CCDC148: variants seen among roughly 807,000 people sequenced by gnomAD.
CCDC148 encodes the protein coiled-coil domain-containing protein 148.
CCDC148 carries 89 observed loss-of-function variants against 85.7 expected under a neutral mutation model. The observed-to-expected ratio is 1.04, with a 90% CI of 0.87 to 1.24. The LOEUF (loss-of-function observed/expected upper bound fraction) is 1.24. Ranked by LOEUF, CCDC148 falls within the 50% of genes most tolerant of loss-of-function variation. The pLI, the probability that CCDC148 is intolerant of heterozygous loss-of-function variation, is 0.00. For missense variants in CCDC148, 692 were observed against 671.7 expected, an observed-to-expected ratio of 1.03 and a Z score of -0.33; for synonymous variants, 230 against 213.9, an observed-to-expected ratio of 1.08 and a Z score of -0.66.
intron 11 of CCDC148, among the ~76,000 whole-genome samples, chr2:158,208,111 A>T (rs998953359): frequency 6.6e-6 from 1 of 152,208 alleles, no homozygotes; most frequent in African/African-American, 2.4e-5. Context: ...ACAAGATGAG[A>T]GGATGATAGG....
In CCDC148 at chr2:158,406,624, T is replaced by TCTG. The variant is rs1423803250; in HGVS notation, c.26-48055_26-48054insCAG. ...AACAGATTAAATTTCTTTTTTTTTT[T>TCTG]TTTTTTTTTTTTTTTTGAGACAGTG... On this transcript the variant is annotated intron_variant, in intron 1 of 13. Coordinates refer to ENST00000283233, the MANE Select transcript of CCDC148 (RefSeq NM_138803.4). 9.7e-4 allele frequency among the ~76,000 whole-genome samples: 24 copies of TCTG among 24,852 alleles called. 1 individual carries two copies. In the South Asian group the frequency reaches 0.013, roughly 13 times the overall value. The allele number at this position is 24,852 out of a possible 152,430, so 16.3% of individuals were successfully genotyped here.
rs78192292 is a variant in CCDC148 at position 158,317,989 on chromosome 2, T to C, written c.765-4095A>G. ...GTGCAGTGAGCCACCATTCAATTAA[T>C]GTGGATGACAGACCATCCTCTTGTC... is the stretch of plus-strand genomic sequence containing the variant. On this transcript the variant is annotated intron_variant, in intron 7 of 13. Coordinates refer to ENST00000283233, the MANE Select transcript of CCDC148 (RefSeq NM_138803.4). Among the ~76,000 whole-genome samples, 1,128 of 152,302 alleles carry C rather than the reference T, an allele frequency of 7.4e-3. 20 individuals carry two copies. The highest frequency in any genetic ancestry group is 0.026 in the African/African-American group (1,075 of 41,552).
At chr2:158,347,270 T>C (rs1574661844) in intron 2 of CCDC148, among the ~76,000 whole-genome samples, 1 of 152,242 alleles carries the variant, frequency 6.6e-6, no homozygotes, top group East Asian at 1.9e-4. Context: ...GACACATTTT[T>C]ATAGTTTGAA....
At chr2:158,316,406 GATC>G (rs1346069172) in intron 7 of CCDC148, among the ~76,000 whole-genome samples, 2 of 152,130 alleles carry the variant, frequency 1.3e-5, no homozygotes, top group African/African-American at 4.8e-5. Context: ...CATATGAAAT[GATC>G]ATAAGACATT....
intron 1 of CCDC148, among the ~76,000 whole-genome samples, chr2:158,433,086 A>AT (rs1339318961): frequency 0.011 from 1,074 of 97,170 alleles, 4 homozygotes; most frequent in East Asian, 0.049. Context: ...AAAAAAAAAA[A>AT]AAAAAATATA....
At chr2:158,184,380 C>G (rs1315837093) in intron 11 of CCDC148, among the ~76,000 whole-genome samples, 3 of 152,070 alleles carry the variant, frequency 2.0e-5, no homozygotes, top group African/African-American at 7.2e-5. Flanking sequence ...ACTTAAGCAC[C>G]TACTATGTGT....
chr2:158,196,079 G>A (rs1358164736), intron 11 of CCDC148, among the ~76,000 whole-genome samples: 1 of 152,108 alleles, frequency 6.6e-6, no homozygotes, highest in Non-Finnish European at 1.5e-5. Context: ...ATACTAGCTG[G>A]AGGGACTGAG....
At chr2:158,439,869 T>A (rs181158411) in intron 1 of CCDC148, among the ~76,000 whole-genome samples, 1 of 152,264 alleles carries the variant, frequency 6.6e-6, no homozygotes, top group East Asian at 1.9e-4. Context: ...TTATTATTAC[T>A]TTACTTTTTT....
intron 10 of CCDC148, among the ~76,000 whole-genome samples, chr2:158,243,053 A>C (rs546257273): frequency 4.6e-5 from 7 of 152,098 alleles, no homozygotes; most frequent in Admixed American, 3.3e-4. Flanking sequence ...TCTCTCTTAA[A>C]ATGCCGTCTG....
chr2:158,362,186 G>C (rs1190287768), intron 1 of CCDC148, among the ~76,000 whole-genome samples: 1 of 151,886 alleles, frequency 6.6e-6, no homozygotes, highest in Non-Finnish European at 1.5e-5. Flanking sequence ...CAAGTTCTTA[G>C]AGACCTACAA....
chr2:158,316,479 CTTG>C (rs927012528), intron 7 of CCDC148, among the ~76,000 whole-genome samples: 3 of 152,140 alleles, frequency 2.0e-5, no homozygotes, highest in African/African-American at 7.2e-5. Flanking sequence ...TTTTGACCTT[CTTG>C]TTGATTTTAG....
intron 7 of CCDC148, among the ~76,000 whole-genome samples, chr2:158,334,078 G>C (rs906131168): frequency 1.6e-4 from 25 of 152,138 alleles, no homozygotes; most frequent in African/African-American, 6.0e-4. Context: ...TTTACAGTGA[G>C]AACTTGATAT....
At chr2:158,426,870 T>C (rs1687103389) in intron 1 of CCDC148, among the ~76,000 whole-genome samples, 1 of 152,216 alleles carries the variant, frequency 6.6e-6, no homozygotes, top group Admixed American at 6.5e-5. Flanking sequence ...TAAGTACCAA[T>C]GTTGGCTATT....
chr2:158,242,713 A>G (rs1688403259), intron 10 of CCDC148, among the ~76,000 whole-genome samples: 2 of 151,640 alleles, frequency 1.3e-5, no homozygotes, highest in African/African-American at 4.9e-5. Flanking sequence ...ATCAACTCCA[A>G]TACCTCCATA....
chr2:158,389,689 T>C (rs1335917344), intron 1 of CCDC148, among the ~76,000 whole-genome samples: 1 of 152,238 alleles, frequency 6.6e-6, no homozygotes, highest in Non-Finnish European at 1.5e-5. Flanking sequence ...TTCATCCTGC[T>C]CTGACTTTAC....
chr2:158,387,607 C>T (rs1180966504), intron 1 of CCDC148, among the ~76,000 whole-genome samples: 1 of 152,092 alleles, frequency 6.6e-6, no homozygotes, highest in Non-Finnish European at 1.5e-5. Context: ...CAGATTCTAC[C>T]CTTCCAAATA....
At chr2:158,321,067 C>G (rs182562439) in intron 7 of CCDC148, among the ~76,000 whole-genome samples, 2 of 151,920 alleles carry the variant, frequency 1.3e-5, no homozygotes, top group Admixed American at 1.3e-4. Context: ...CCCTTTTTTC[C>G]CTTGAAAAAA....
intron 1 of CCDC148, among the ~76,000 whole-genome samples, chr2:158,439,180 T>C (rs144210753): frequency 0.18 from 26,875 of 152,178 alleles, 3,105 homozygotes; most frequent in Middle Eastern, 0.26. Context: ...TGCACGTGTA[T>C]GTTTATTGTG....
At chr2:158,401,564 G>T (rs112110199) in intron 1 of CCDC148, among the ~76,000 whole-genome samples, 5 of 152,188 alleles carry the variant, frequency 3.3e-5, no homozygotes, top group African/African-American at 1.2e-4. Flanking sequence ...ACTGGAGAGG[G>T]ATAGCATTAG....
Sources: allele counts gnomAD v4.1 joint callset (sites outside exome capture counted in the v4.1 genomes callset), GRCh38; gene constraint gnomAD v4.1.1; transcripts MANE v1.5; gene names NCBI Gene and HGNC (gene_info 2026-07-23, HGNC 2026-07-21).